Variants in MAP3K3 observed in about 807,000 individuals in gnomAD.
The protein encoded by MAP3K3 is MAP/ERK kinase kinase 3.
MAP3K3 carries 12 observed loss-of-function variants against 80.9 expected under a neutral mutation model. That is an observed-to-expected ratio of 0.15 (90% CI 0.10 to 0.24). MAP3K3 has a LOEUF of 0.24. Ranked by LOEUF, MAP3K3 falls within the 10% of genes least tolerant of loss-of-function variation. The pLI, the probability that MAP3K3 is intolerant of heterozygous loss-of-function variation, is 1.00. For synonymous variants in MAP3K3, 272 were observed against 307.1 expected (o/e 0.89, Z 1.19); for missense variants, 596 against 834.7 (o/e 0.71, Z 3.52).
intron 2 of MAP3K3, among the ~76,000 whole-genome samples, chr17:63,635,077 G>A (rs531023970): frequency 6.6e-6 from 1 of 152,322 alleles, no homozygotes; most frequent in East Asian, 1.9e-4. Context: ...CTAGCTACAT[G>A]TGGCTGTTGA....
In MAP3K3 at chr17:63,689,490, C is replaced by T. The variant is rs995059016; in HGVS notation, c.872-54C>T. The T allele has an allele frequency of 2.0e-5, 31 of 1,516,788 alleles. No individual in the cohort carries two copies. The highest frequency in any genetic ancestry group is 8.7e-5 in the South Asian group (7 of 80,864). 94.0% of individuals were successfully genotyped at this position (1,516,788 alleles called of 1,614,324 possible). ...TGTCTCAGACCTGGTTTGTACGTTC[C>T]GCCTCGTAGCCTGGGGTGTGACTTG... is the stretch of plus-strand genomic sequence containing the variant. On this transcript the variant is annotated intron_variant, in intron 10 of 15. Coordinates refer to ENST00000361733, the MANE Select transcript of MAP3K3 (RefSeq NM_002401.5). This position sits in a 1 kb window ranked among gnomAD's most constrained non-coding sequence, Gnocchi z 4.3.
intron 3 of MAP3K3, among the ~76,000 whole-genome samples, chr17:63,648,527 A>G (rs2034584443): frequency 6.6e-6 from 1 of 152,216 alleles, no homozygotes; most frequent in African/African-American, 2.4e-5. Flanking sequence ...AGAAAAAAAT[A>G]TAAGAATTAC....
intron 8 of MAP3K3, chr17:63,688,117 A>T (rs2035498697): frequency 3.6e-6 from 1 of 278,160 alleles, no homozygotes; most frequent in Non-Finnish European, 7.0e-6. Context: ...CGTTCTGAGG[A>T]TTAAATGAGA....
chr17:63,681,112 TAA>T (rs76886126), intron 6 of MAP3K3, among the ~76,000 whole-genome samples: 26 of 130,352 alleles, frequency 2.0e-4, no homozygotes, highest in Admixed American at 3.9e-4. Context: ...TGTCTCAATT[TAA>T]AAAAAAAAAA....
intron 6 of MAP3K3, among the ~76,000 whole-genome samples, chr17:63,667,865 A>G (rs937402202): frequency 6.6e-6 from 1 of 152,174 alleles, no homozygotes; most frequent in Non-Finnish European, 1.5e-5. Context: ...GGCCAACTAT[A>G]TATACAACCC....
rs1372293780 is a variant in MAP3K3, at chr17:63,693,032, CAATG to C, written c.1653-514_1653-511del. On this transcript the variant is annotated intron_variant, in intron 15 of 15. Coordinates refer to ENST00000361733, the MANE Select transcript of MAP3K3 (RefSeq NM_002401.5). The surrounding 1 kb of genome is among the most constrained non-coding windows in gnomAD (Gnocchi z 4.2). ...TCAGAGTGGCTAATAGGAGGTGAGA[CAATG>C]AAAGCAAGAGGTTGGAGTAATACAA... Among the ~76,000 whole-genome samples the C allele has an allele frequency of 1.3e-5, 2 of 152,158 alleles. No individual in the cohort carries two copies. Among genetic ancestry groups the C allele is most frequent in the African/African-American group, 4.8e-5 (2 of 41,508 alleles).
chr17:63,647,496 A>C (rs958381876), intron 3 of MAP3K3, among the ~76,000 whole-genome samples: 4 of 152,198 alleles, frequency 2.6e-5, no homozygotes. Flanking sequence ...TACAGTGAGC[A>C]GGCTTACACT....
In MAP3K3 at chr17:63,652,721, TA is replaced by T. The variant is rs561759089; in HGVS notation, c.267+66del. The stretch of plus-strand genomic sequence containing the variant: ...GATGCCTACCTTTTTTCTCTCTGTT[TA>T]CCAGAGCCTTTAAAGTTTGTTCCTC... On this transcript the variant is annotated intron_variant, in intron 4 of 15. Transcript: ENST00000361733. The T allele has an allele frequency of 1.5e-3, 1,557 of 1,043,184 alleles. 18 individuals carry two copies. In the African/African-American group the frequency reaches 0.022, roughly 15 times the overall value. 64.6% of individuals were successfully genotyped at this position (1,043,184 alleles called of 1,614,324 possible).
At chr17:63,682,822 A>G (rs922608509) in intron 7 of MAP3K3, 4 of 152,258 alleles carry the variant, frequency 2.6e-5, no homozygotes, top group Non-Finnish European at 4.4e-5. Flanking sequence ...CCTCTTTGCC[A>G]TAGTCTATTG....
chr17:63,689,574 A>C lies in MAP3K3; in HGVS notation c.902A>C (p.His301Pro). ...GRRTFPRIRR[H>P]QGNLFTLVPS... ...AGAACATTTCCCCGAATACGGCGTC[A>C]TCAAGGCAACTTGTTCACCCTGGTG... is the stretch of plus-strand genomic sequence containing the variant. Residue 301 changes from histidine to proline, a missense_variant, in exon 11 of 16, where the codon CAT becomes CCT. Around this residue, in one of 2 missense-constraint regions of MAP3K3, gnomAD observed 364 missense variants for 588.9 expected, o/e 0.62. Transcript: ENST00000361733. This position sits in a 1 kb window ranked among gnomAD's most constrained non-coding sequence, Gnocchi z 4.3. 6.2e-7 allele frequency: 1 copy of C among 1,613,826 alleles called. No homozygotes were observed. Among genetic ancestry groups the C allele is most frequent in the Non-Finnish European group, 8.5e-7 (1 of 1,179,824 alleles).
Position 63,692,783 on chromosome 17 carries a change from G to C in MAP3K3, c.1652+364G>C, listed in dbSNP as rs1310671934. 3.3e-5 allele frequency among the ~76,000 whole-genome samples: 5 copies of C among 152,358 alleles called. No homozygotes were observed. Among genetic ancestry groups the C allele is most frequent in the South Asian group, 2.1e-4 (1 of 4,828 alleles). On this transcript the variant is annotated intron_variant, in intron 15 of 15. Transcript: ENST00000361733. The surrounding 1 kb of genome is among the most constrained non-coding windows in gnomAD (Gnocchi z 4.5). ...TTGCACTTGCTCGACATAACCTTGT[G>C]TCTATCCTCTGAAATGGCCCCTAAG...
At position 63,693,680 on chromosome 17, in the gene MAP3K3, A is replaced by G. The variant is rs1330673530; in HGVS notation, c.1784A>G (p.His595Arg). 7 of 1,608,922 alleles carry G rather than the reference A, an allele frequency of 4.4e-6. No individual in the cohort carries two copies. The highest frequency in any genetic ancestry group is 5.1e-6 in the Non-Finnish European group (6 of 1,177,242). ...NPQLPSHISE[H>R]GRDFLRRIFV... ...CAGCTGCCCTCCCACATCTCTGAAC[A>G]TGGCCGGGACTTCCTGAGGCGCATT... is the stretch of plus-strand genomic sequence containing the variant. The change falls in exon 16 of 16, where the codon CAT becomes CGT. Residue 595 changes from histidine (H) to arginine (R), a missense_variant. This residue lies in a region of MAP3K3 where 364 missense variants were observed against 588.9 expected (regional missense o/e 0.62). Transcript: ENST00000361733. The surrounding 1 kb of genome is among the most constrained non-coding windows in gnomAD (Gnocchi z 4.2).
chr17:63,645,042 C>A (rs1555688106), intron 2 of MAP3K3, among the ~76,000 whole-genome samples: 1 of 152,122 alleles, frequency 6.6e-6, no homozygotes, highest in Non-Finnish European at 1.5e-5. Context: ...TTAATTTGTT[C>A]TTTGTCATTT....
intron 12 of MAP3K3, chr17:63,690,618 G>A: frequency 6.9e-6 from 4 of 583,466 alleles, no homozygotes; most frequent in Non-Finnish European, 6.0e-6. Context: ...GGGATTGGGT[G>A]TAAGGAACTA....
At chr17:63,661,106 G>A (rs937320750) in intron 5 of MAP3K3, among the ~76,000 whole-genome samples, 2 of 151,972 alleles carry the variant, frequency 1.3e-5, no homozygotes, top group African/African-American at 4.8e-5. Flanking sequence ...TGTCACCCAG[G>A]TACGATCTCA....
chr17:63,691,287 G>C lies in MAP3K3; in HGVS notation c.1344+54G>C, dbSNP rs1299464031. 6.2e-7 allele frequency: 1 copy of C among 1,610,764 alleles called. No homozygotes were observed. Among genetic ancestry groups the C allele is most frequent in the South Asian group, 1.1e-5 (1 of 90,986 alleles). ...ACACACAAAAGAGGGCCTGACCTGG[G>C]GGCTGGGGCCTGCAGGAGGGGGGTC... On this transcript the variant is annotated intron_variant, in intron 13 of 15. Transcript: ENST00000361733. The surrounding 1 kb of genome is among the most constrained non-coding windows in gnomAD (Gnocchi z 4.8).
chr17:63,658,835 A>G (rs1371082383), intron 5 of MAP3K3, among the ~76,000 whole-genome samples: 1 of 151,552 alleles, frequency 6.6e-6, no homozygotes, highest in Non-Finnish European at 1.5e-5. Flanking sequence ...CCTGGCTTCA[A>G]ATGATTCTCC....
chr17:63,672,298 AAAAG>A (rs2035127556), intron 6 of MAP3K3, among the ~76,000 whole-genome samples: 1 of 151,962 alleles, frequency 6.6e-6, no homozygotes, highest in Admixed American at 6.6e-5. Flanking sequence ...AAAAAAAAAA[AAAAG>A]GAAGGAAGAA....
intron 6 of MAP3K3, 86 bp from the exon 7 acceptor site, chr17:63,681,680 A>C: frequency 8.1e-7 from 1 of 1,238,068 alleles, no homozygotes; most frequent in South Asian, 2.7e-5. Flanking sequence ...CCTGACCTCT[A>C]GGGCCTAATA....
Sources: allele counts gnomAD v4.1 joint callset (sites outside exome capture counted in the v4.1 genomes callset), GRCh38; gene constraint gnomAD v4.1.1; regional missense constraint gnomAD v4.1.1; non-coding constraint Gnocchi (gnomAD v3.1); transcripts MANE v1.5; gene names NCBI Gene and HGNC (gene_info 2026-07-23, HGNC 2026-07-21).